PDE6D: variants seen among roughly 807,000 people sequenced by gnomAD.
PDE6D encodes the protein phosphodiesterase 6D, also known as retinal rod rhodopsin-sensitive cGMP 3',5'-cyclic phosphodiesterase subunit delta.
A neutral mutation model predicts 21.9 loss-of-function variants in PDE6D; 10 were observed. The observed-to-expected ratio is 0.46, with a 90% CI of 0.28 to 0.78. PDE6D has a LOEUF of 0.78. Ranked by LOEUF, PDE6D falls within the 30% of genes least tolerant of loss-of-function variation. The pLI, the probability that PDE6D is intolerant of heterozygous loss-of-function variation, is 0.12. For synonymous variants in PDE6D, 59 were observed against 63.5 expected, an observed-to-expected ratio of 0.93 and a Z score of 0.34; for missense variants, 139 against 184.8, an observed-to-expected ratio of 0.75 and a Z score of 1.44.
chr2:231,779,550 G>T (rs932731418), intron 1 of PDE6D: 2 of 152,186 alleles, frequency 1.3e-5, no homozygotes, highest in Admixed American at 6.5e-5. Context: ...GATGTTAATA[G>T]TATAAATTAT....
chr2:231,738,919 C>CAAAAA (rs1157734125), intron 2 of PDE6D, among the ~76,000 whole-genome samples, 181 bp downstream of exon 2: 91 of 62,422 alleles, frequency 1.5e-3, no homozygotes, highest in South Asian at 2.0e-3. Flanking sequence ...GACTGTGTCT[C>CAAAAA]AAAAAAAAAA....
intron 1 of PDE6D, among the ~76,000 whole-genome samples, chr2:231,758,359 A>G (rs1489711580): frequency 1.3e-5 from 2 of 151,766 alleles, no homozygotes; most frequent in Admixed American, 6.6e-5. Context: ...GCTGGCTCAA[A>G]CTCCTGGGCT....
intron 4 of PDE6D, 32 bp downstream of exon 4, chr2:231,737,155 A>G (rs1574616341): frequency 7.7e-7 from 1 of 1,301,120 alleles, no homozygotes; most frequent in East Asian, 2.3e-5. Flanking sequence ...TTCTAGACAC[A>G]CTTCATAATT....
At chr2:231,750,481 C>CATT (rs1553557786) in intron 1 of PDE6D, among the ~76,000 whole-genome samples, 10 of 133,560 alleles carry the variant, frequency 7.5e-5, no homozygotes, top group Non-Finnish European at 9.6e-5. Context: ...ATCCATATCA[C>CATT]TTTTTTTTTT....
intron 1 of PDE6D, among the ~76,000 whole-genome samples, chr2:231,769,889 C>T (rs1413847650): frequency 6.6e-6 from 1 of 152,202 alleles, no homozygotes. Context: ...AACAGGAACC[C>T]TCGAGTTGGT....
At chr2:231,752,831 G>GT (rs778027978) in intron 1 of PDE6D, among the ~76,000 whole-genome samples, 13,900 of 119,088 alleles carry the variant, frequency 0.12, 1,229 homozygotes, top group African/African-American at 0.16. Flanking sequence ...AGAGATTTGA[G>GT]TTTTTTTTTT....
At chr2:231,750,438 T>C (rs183332313) in intron 1 of PDE6D, among the ~76,000 whole-genome samples, 21 of 152,094 alleles carry the variant, frequency 1.4e-4, no homozygotes, top group Non-Finnish European at 7.4e-5. Flanking sequence ...ATTTATGGTC[T>C]TAGTTATATA....
intron 1 of PDE6D, among the ~76,000 whole-genome samples, chr2:231,747,801 T>G (rs1167110474): frequency 6.6e-6 from 1 of 152,202 alleles, no homozygotes; most frequent in African/African-American, 2.4e-5. Context: ...CTCTTAACCT[T>G]ATTCTTCACA....
chr2:231,736,459 G>T (rs2106260033), intron 4 of PDE6D, among the ~76,000 whole-genome samples: 1 of 152,264 alleles, frequency 6.6e-6, no homozygotes, highest in Non-Finnish European at 1.5e-5. Context: ...GATTACAGGT[G>T]TGTGCCATTA....
intron 1 of PDE6D, chr2:231,779,124 G>A (rs1042575138): frequency 6.6e-6 from 1 of 152,184 alleles, no homozygotes; most frequent in Admixed American, 6.6e-5. Flanking sequence ...GGCTACCAGA[G>A]GATGAGCACG....
At chr2:231,779,248 G>A (rs1299792181) in intron 1 of PDE6D, 1 of 152,170 alleles carries the variant, frequency 6.6e-6, no homozygotes, top group Non-Finnish European at 1.5e-5. Context: ...TAACATCACT[G>A]AATCGGTTGA....
intron 1 of PDE6D, among the ~76,000 whole-genome samples, chr2:231,760,949 G>A (rs2048920033): frequency 6.6e-6 from 1 of 152,138 alleles, no homozygotes; most frequent in African/African-American, 2.4e-5. Flanking sequence ...CCCTAACAAT[G>A]TCCAGGTAAC....
chr2:231,777,050 A>C (rs1489093273), intron 1 of PDE6D, among the ~76,000 whole-genome samples: 4 of 152,198 alleles, frequency 2.6e-5, no homozygotes, highest in Non-Finnish European at 5.9e-5. Context: ...TGTGTTGTCC[A>C]AACTGGCAAA....
At chr2:231,747,988 A>G (rs1473293152) in intron 1 of PDE6D, among the ~76,000 whole-genome samples, 1 of 152,218 alleles carries the variant, frequency 6.6e-6, no homozygotes, top group Non-Finnish European at 1.5e-5. Context: ...GTGGAACTGT[A>G]AGTCCAATTA....
intron 1 of PDE6D, among the ~76,000 whole-genome samples, chr2:231,749,221 A>G (rs2048818382): frequency 6.6e-6 from 1 of 152,194 alleles, no homozygotes; most frequent in Non-Finnish European, 1.5e-5. Flanking sequence ...GAGCTGCCCA[A>G]GACCATGAGA....
rs564123436 is a variant in PDE6D at position 231,755,933 on chromosome 2, T to C, written c.51-16745A>G. On this transcript the variant is annotated intron_variant, in intron 1 of 4. Transcript: ENST00000287600. ...AAAACTCCATCTCAAAAAAAAAAAATTATATATATAAAGCCTATTTCTCTG... is the reference window on the plus strand; with the variant it reads ...AAAACTCCATCTCAAAAAAAAAAAACTATATATATAAAGCCTATTTCTCTG... Among the ~76,000 whole-genome samples, 39 of 146,658 alleles carry C rather than the reference T, an allele frequency of 2.7e-4. No homozygotes were observed. In the East Asian group the frequency reaches 6.5e-3, roughly 24 times the overall value.
At chr2:231,744,025 T>C (rs567886745) in intron 1 of PDE6D, among the ~76,000 whole-genome samples, 15 of 152,234 alleles carry the variant, frequency 9.9e-5, no homozygotes, top group Non-Finnish European at 1.8e-4. Context: ...TACGGCAACA[T>C]GGACATCAGA....
intron 1 of PDE6D, among the ~76,000 whole-genome samples, chr2:231,772,055 C>T (rs1402385174): frequency 6.6e-6 from 1 of 152,124 alleles, no homozygotes; most frequent in Non-Finnish European, 1.5e-5. Context: ...ACTCTGTCAC[C>T]TGTAATTTCT....
At chr2:231,746,943 C>T (rs1410845660) in intron 1 of PDE6D, among the ~76,000 whole-genome samples, 35 of 152,152 alleles carry the variant, frequency 2.3e-4, no homozygotes, top group Non-Finnish European at 1.2e-4. Flanking sequence ...TACTTTAATA[C>T]TGTATAGCTG....
Sources: gnomAD v4.1 joint callset for allele counts (sites outside exome capture counted in the v4.1 genomes callset) on GRCh38, gnomAD v4.1.1 for gene constraint, MANE v1.5 for transcripts, NCBI Gene and HGNC (gene_info 2026-07-23, HGNC 2026-07-21) for gene names.